The following PTPRC variants were observed in gnomAD, a reference collection of about 807,000 sequenced individuals.
PTPRC encodes protein tyrosine phosphatase receptor type C, also known as receptor-type tyrosine-protein phosphatase C.
PTPRC carries 44 observed loss-of-function variants against 155.9 expected under a neutral mutation model. The observed-to-expected ratio is 0.28, with a 90% CI of 0.22 to 0.36. PTPRC has a LOEUF of 0.36. PTPRC is among the 10% of genes least tolerant of loss of function. The probability of loss-of-function intolerance (pLI) is 1.00; values close to 1 mark genes in which losing one functional copy is unlikely to be tolerated. For missense variants in PTPRC, 1,401 were observed against 1,564.6 expected (o/e 0.90, Z 1.76); for synonymous variants, 525 against 533.1 (o/e 0.98, Z 0.21).
Position 198,718,312 on chromosome 1 carries a change from T to C in PTPRC, c.1659+10T>C. 1 of 1,594,070 alleles carries C rather than the reference T, an allele frequency of 6.3e-7. No individual in the cohort carries two copies. Among genetic ancestry groups the C allele is most frequent in the Non-Finnish European group, 8.6e-7 (1 of 1,162,830 alleles). On this transcript the variant is annotated intron_variant, in intron 14 of 32. Coordinates refer to ENST00000442510, the MANE Select transcript of PTPRC (RefSeq NM_002838.5). Reference sequence around the variant, plus strand: ...AGACTACACTTTTAAGGTAAAAGTATGCTCTCTACATTACTATAGTACCAA... The same window carrying C: ...AGACTACACTTTTAAGGTAAAAGTACGCTCTCTACATTACTATAGTACCAA...
chr1:198,666,930 C>T (rs1664345213), intron 2 of PTPRC: 1 of 152,126 alleles, frequency 6.6e-6, no homozygotes, highest in Non-Finnish European at 1.5e-5. Flanking sequence ...TGGAGTTCTA[C>T]AACTAAAGAT....
Position 198,734,215 on chromosome 1 carries a change from A to G in PTPRC, c.2162A>G (p.Lys721Arg). 6.2e-7 allele frequency: 1 copy of G among 1,610,930 alleles called. No individual in the cohort carries two copies. Among genetic ancestry groups the G allele is most frequent in the Non-Finnish European group, 8.5e-7 (1 of 1,177,994 alleles). ...SYIDGFKEPR[K>R]YIAAQGPRDE... is the part of the protein sequence containing the mutation. ...CAATAGGGTTTCAAAGAACCCAGGA[A>G]ATACATTGCTGCACAAGGTAATTTC... The change falls in exon 21 of 33, where the codon AAA (lysine) becomes AGA (arginine). Residue 721 changes from lysine (K) to arginine (R), a missense_variant. Around this residue, in one of 3 missense-constraint regions of PTPRC, gnomAD observed 867 missense variants for 970.4 expected, o/e 0.89. Coordinates refer to ENST00000442510, the MANE Select transcript of PTPRC (RefSeq NM_002838.5).
At chr1:198,745,259 A>G (rs753846620) in intron 26 of PTPRC, among the ~76,000 whole-genome samples, 13 of 151,840 alleles carry the variant, frequency 8.6e-5, no homozygotes, top group Non-Finnish European at 1.8e-4. Context: ...AGTCAAAATG[A>G]TCTGCAAGTG....
At chr1:198,642,032 G>GA (rs894665488) in intron 2 of PTPRC, among the ~76,000 whole-genome samples, 41 of 151,640 alleles carry the variant, frequency 2.7e-4, no homozygotes, top group African/African-American at 8.0e-4. Flanking sequence ...TTATTAATTT[G>GA]AAAAAAAATG....
intron 17 of PTPRC, 129 bp from the exon 18 acceptor site, chr1:198,731,488 T>C (rs1179470544): frequency 7.1e-6 from 5 of 706,874 alleles, no homozygotes; most frequent in Non-Finnish European, 7.6e-6. Context: ...TGAGTGAGAT[T>C]TCTCAGATGA....
intron 8 of PTPRC, among the ~76,000 whole-genome samples, chr1:198,704,775 G>A (rs1031703747): frequency 8.5e-5 from 13 of 152,280 alleles, no homozygotes; most frequent in Admixed American, 3.9e-4. Context: ...CTTGCTGGGC[G>A]TCGAATTCAA....
intron 15 of PTPRC, among the ~76,000 whole-genome samples, chr1:198,724,285 C>T (rs996775228): frequency 3.0e-4 from 45 of 152,228 alleles, no homozygotes; most frequent in African/African-American, 1.0e-3. Context: ...TAGGGTACAG[C>T]TACTAGGGAT....
chr1:198,642,903 T>C (rs7529395), intron 2 of PTPRC, among the ~76,000 whole-genome samples: 30,395 of 76,760 alleles, frequency 0.4, 4,726 homozygotes, highest in East Asian at 0.43. Context: ...TTTCTTTCTT[T>C]CTTCCTTTCT....
At chr1:198,665,079 CA>C (rs1285397727) in intron 2 of PTPRC, among the ~76,000 whole-genome samples, 1,494 of 102,116 alleles carry the variant, frequency 0.015, 214 homozygotes, top group East Asian at 0.025. Flanking sequence ...ATCCCGGCAG[CA>C]TTTTTTTTTT....
At chr1:198,707,929 T>C (rs1258027154) in intron 9 of PTPRC, among the ~76,000 whole-genome samples, 1 of 152,186 alleles carries the variant, frequency 6.6e-6, no homozygotes, top group Non-Finnish European at 1.5e-5. Context: ...CCAAAATATA[T>C]GGTGCTAAAA....
chr1:198,673,277 G>A (rs986709517), intron 2 of PTPRC, among the ~76,000 whole-genome samples: 1 of 151,934 alleles, frequency 6.6e-6, no homozygotes, highest in Non-Finnish European at 1.5e-5. Context: ...TTGTAATGTG[G>A]CTATATTTTG....
rs764913234 is a variant in PTPRC at position 198,718,193 on chromosome 1, G to T, written c.1550G>T (p.Arg517Leu). ...PPRDRNGPHE[R>L]YHLEVEAGNT... Reference sequence around the variant, plus strand: ...AGGGACCGTAATGGCCCCCATGAACGTTACCATTTGGAAGTTGAAGCTGGA... The same window carrying T: ...AGGGACCGTAATGGCCCCCATGAACTTTACCATTTGGAAGTTGAAGCTGGA... The change falls in exon 14 of 33, where the codon CGT (arginine) becomes CTT (leucine). Residue 517 changes from arginine (R) to leucine (L), a missense_variant. By Grantham distance (102) the Arg-to-Leu change is moderately radical. Transcript: ENST00000442510. 9 of 1,613,858 alleles carry T rather than the reference G, an allele frequency of 5.6e-6. No homozygotes were observed. In the Middle Eastern group the frequency reaches 8.2e-4, roughly 148 times the overall value.
chr1:198,744,160 G>T lies in PTPRC; in HGVS notation c.2804G>T (p.Arg935Met). The part of the protein sequence containing the change: ...LHPYLHNMKK[R>M]DPPSEPSPLE... ...CCATATCTACATAACATGAAGAAAA[G>T]GGATCCACCCAGTGAGCCGTCTCCA... Residue 935 changes from arginine (R) to methionine (M), a missense_variant, in exon 26 of 33, where the codon AGG becomes ATG. Arg to Met is a moderately conservative substitution (Grantham distance 91). Transcript: ENST00000442510. The T allele has an allele frequency of 6.2e-7, 1 of 1,607,036 alleles. No individual in the cohort carries two copies. The highest frequency in any genetic ancestry group is 2.2e-5 in the East Asian group (1 of 44,546).
chr1:198,672,298 A>C (rs779049204), intron 2 of PTPRC, among the ~76,000 whole-genome samples: 6 of 152,174 alleles, frequency 3.9e-5, no homozygotes, highest in Non-Finnish European at 5.9e-5. Flanking sequence ...TTAGGCCCAC[A>C]CCCTGTGGAT....
In PTPRC at chr1:198,640,092, C is replaced by G. The variant is rs1662491037; in HGVS notation, c.73+751C>G. On this transcript the variant is annotated intron_variant, in intron 2 of 32. Transcript: ENST00000442510. ...AAATGCTGTATTCAGTAGGAAAATG[C>G]AACTAGTTGGACTTCCAGTGCCTAT... Among the ~76,000 whole-genome samples the G allele has an allele frequency of 1.3e-5, 2 of 151,900 alleles. 1 individual carries two copies. Among genetic ancestry groups the G allele is most frequent in the South Asian group, 4.1e-4 (2 of 4,832 alleles).
chr1:198,686,681 A>G, intron 2 of PTPRC, among the ~76,000 whole-genome samples: 1 of 152,232 alleles, frequency 6.6e-6, no homozygotes, highest in Non-Finnish European at 1.5e-5. Context: ...GAATGTTTAC[A>G]TATATTGTAG....
chr1:198,665,082 T>G (rs968656698), intron 2 of PTPRC, among the ~76,000 whole-genome samples: 1 of 78,108 alleles, frequency 1.3e-5, no homozygotes, highest in African/African-American at 5.7e-5. Context: ...CCGGCAGCAT[T>G]TTTTTTTTTT....
chr1:198,656,415 G>A (rs1422972018), intron 2 of PTPRC, among the ~76,000 whole-genome samples: 1 of 152,092 alleles, frequency 6.6e-6, no homozygotes, highest in Non-Finnish European at 1.5e-5. Context: ...AGAAGAAATA[G>A]CAATCTATTA....
intron 4 of PTPRC, among the ~76,000 whole-genome samples, chr1:198,697,837 C>CTTACTGATGA (rs1004581534): frequency 5.3e-5 from 8 of 152,092 alleles, no homozygotes; most frequent in African/African-American, 1.9e-4. Context: ...TTTTGAGTAC[C>CTTACTGATGA]TTACTGATGA....
Sources: allele counts gnomAD v4.1 joint callset (sites outside exome capture counted in the v4.1 genomes callset), GRCh38; gene constraint gnomAD v4.1.1; regional missense constraint gnomAD v4.1.1; transcripts MANE v1.5; gene names NCBI Gene and HGNC (gene_info 2026-07-23, HGNC 2026-07-21).